VARS1: variants seen among roughly 807,000 people sequenced by gnomAD.
VARS1 encodes the protein valyl-tRNA synthetase 1, also known as valine--tRNA ligase.
VARS1 carries 92 observed loss-of-function variants against 161.0 expected under a neutral mutation model. The ratio of observed to expected loss-of-function variants is 0.57; its 90% CI spans 0.48 to 0.68. The LOEUF is 0.68. VARS1 is among the 30% of genes least tolerant of loss of function. VARS1 has a pLI of 0.00. For synonymous variants in VARS1, 595 were observed against 682.5 expected, an observed-to-expected ratio of 0.87 and a Z score of 2.00; for missense variants, 1,338 against 1,695.9, an observed-to-expected ratio of 0.79 and a Z score of 3.71.
intron 8 of VARS1, among the ~76,000 whole-genome samples, chr6:31,787,774 C>T (rs1001580192): frequency 2.6e-5 from 4 of 151,234 alleles, no homozygotes; most frequent in African/African-American, 4.9e-5. Flanking sequence ...CCCAGAAGTT[C>T]AAGACCAGCC....
At chr6:31,794,358 C>T (rs141046824) in intron 2 of VARS1, among the ~76,000 whole-genome samples, 158 of 152,256 alleles carry the variant, frequency 1.0e-3, no homozygotes, top group Admixed American at 7.5e-3. Flanking sequence ...GCACAGGTCT[C>T]CTTTGGAAGG....
In VARS1 at chr6:31,792,753, T is replaced by C. The variant is rs1813967794; in HGVS notation, c.661+4A>G. On this transcript the variant is annotated splice_donor_region_variant and intron_variant, in intron 4 of 29. Coordinates refer to ENST00000375663, the MANE Select transcript of VARS1 (RefSeq NM_006295.3). ...CTATCCTCCAACTCCTCGCCCTTCC[T>C]CACCTGGCTGATGAGAGAGAGGCCT... 1.2e-6 allele frequency: 2 copies of C among 1,614,106 alleles called. No individual in the cohort carries two copies. Among genetic ancestry groups the C allele is most frequent in the Non-Finnish European group, 8.5e-7 (1 of 1,179,990 alleles).
chr6:31,792,256 T>C lies in VARS1; in HGVS notation c.832A>G (p.Ile278Val). 1 of 1,614,014 alleles carries C rather than the reference T, an allele frequency of 6.2e-7. No homozygotes were observed. Among genetic ancestry groups the C allele is most frequent in the Non-Finnish European group, 8.5e-7 (1 of 1,180,002 alleles). ...EKREKRDPGV[I>V]TYDLPTPPGE... ...GGTGGGGTTGGGAGGTCATAGGTAA[T>C]GACCCCAGGATCCCGTTTCTCCCTC... The change falls in exon 6 of 30, where the codon ATT becomes GTT. Residue 278 changes from isoleucine (I) to valine (V), a missense_variant. By Grantham distance (29) the Ile-to-Val change is conservative (BLOSUM62 3). This residue lies in a region of VARS1 where 902 missense variants were observed against 1,090.3 expected (regional missense o/e 0.83). Transcript: ENST00000375663.
rs1813959780 is a variant in VARS1 at position 31,792,675 on chromosome 6, C to A, written c.661+82G>T. 4 of 1,598,408 alleles carry A rather than the reference C, an allele frequency of 2.5e-6. No homozygotes were observed. The South Asian group carries it at 4.4e-5, about 18-fold the overall frequency. ...GCAGGACCCTGCCCCAGTGATTCTG[C>A]CATTTCTAGGAAAAAAAGAAAGTGA... On this transcript the variant is annotated intron_variant, in intron 4 of 29. Coordinates refer to ENST00000375663, the MANE Select transcript of VARS1 (RefSeq NM_006295.3).
rs1252547500 is a variant in VARS1, at chr6:31,792,311, A to G, written c.787-10T>C. 1.9e-6 allele frequency: 3 copies of G among 1,613,434 alleles called. No individual in the cohort carries two copies. Among genetic ancestry groups the G allele is most frequent in the Non-Finnish European group, 2.5e-6 (3 of 1,179,900 alleles). The stretch of plus-strand genomic sequence containing the variant: ...CTGGTTTTGGTTTCTTCTGCTTGGG[A>G]GGGAGAAGACATAGGCCCAGGCATC... On this transcript the variant is annotated splice_polypyrimidine_tract_variant and intron_variant, in intron 5 of 29. Transcript: ENST00000375663.
In VARS1 at chr6:31,781,309, G is replaced by A; in HGVS notation, c.2544+172C>T. 1 of 1,231,754 alleles carries A rather than the reference G, an allele frequency of 8.1e-7. No individual in the cohort carries two copies. The highest frequency in any genetic ancestry group is 2.2e-5 in the Admixed American group (1 of 44,698). 76.3% of individuals were successfully genotyped at this position (1,231,754 alleles called of 1,614,324 possible). On this transcript the variant is annotated intron_variant, in intron 21 of 29. Coordinates refer to ENST00000375663, the MANE Select transcript of VARS1 (RefSeq NM_006295.3). The surrounding 1 kb of genome is among the most constrained non-coding windows in gnomAD (Gnocchi z 6.8). ...CTTCCTCTGGGAAGATGAAGCCCTGGGCACAGGAATCACTGAGCAGGGCCC... is the reference window on the plus strand; with the variant it reads ...CTTCCTCTGGGAAGATGAAGCCCTGAGCACAGGAATCACTGAGCAGGGCCC...
Position 31,793,149 on chromosome 6 carries a change from A to G in VARS1, c.388-29T>C, listed in dbSNP as rs373826923. The G allele has an allele frequency of 9.9e-5, 156 of 1,569,910 alleles. No homozygotes were observed. The African/African-American group carries it at 1.6e-3, about 16-fold the overall frequency. ...GCAGGAAGGGGAAGAAGTGTGAGAC[A>G]AGGTTTGGCCCACCTCCATCTCCCA... On this transcript the variant is annotated intron_variant, in intron 2 of 29. Coordinates refer to ENST00000375663, the MANE Select transcript of VARS1 (RefSeq NM_006295.3).
Position 31,785,683 on chromosome 6 carries a change from G to T in VARS1, c.1151C>A (p.Ala384Glu). 1.9e-6 allele frequency: 3 copies of T among 1,612,924 alleles called. No homozygotes were observed. Among genetic ancestry groups the T allele is most frequent in the Non-Finnish European group, 2.5e-6 (3 of 1,180,028 alleles). ...TTLWNPGCDH[A>E]GIATQVVVEK... ...CACCACCACCTGGGTGGCAATACCT[G>T]CATGGTCACAGCCAGGGTTCCACAG... The change falls in exon 9 of 30, where the codon GCA becomes GAA. Residue 384 changes from alanine to glutamate, a missense_variant. By Grantham distance (107) the Ala-to-Glu change is moderately radical (BLOSUM62 -1). This residue lies in a region of VARS1 where 902 missense variants were observed against 1,090.3 expected (regional missense o/e 0.83). Coordinates refer to ENST00000375663, the MANE Select transcript of VARS1 (RefSeq NM_006295.3). This position sits in a 1 kb window ranked among gnomAD's most constrained non-coding sequence, Gnocchi z 6.1.
chr6:31,780,646 G>A lies in VARS1; in HGVS notation c.2797+59C>T. The A allele has an allele frequency of 1.2e-6, 2 of 1,613,098 alleles. No homozygotes were observed. Among genetic ancestry groups the A allele is most frequent in the Non-Finnish European group, 1.7e-6 (2 of 1,179,232 alleles). On this transcript the variant is annotated intron_variant, in intron 24 of 29. Coordinates refer to ENST00000375663, the MANE Select transcript of VARS1 (RefSeq NM_006295.3). This position sits in a 1 kb window ranked among gnomAD's most constrained non-coding sequence, Gnocchi z 5.1. The stretch of plus-strand genomic sequence containing the variant: ...CACCAGAGGCTCAGGGTGGAGAAGA[G>A]GGATGGGCCTCACAGAAGGAGGAAG...
chr6:31,780,865 C>T lies in VARS1; in HGVS notation c.2718+5G>A, dbSNP rs1195809107. On this transcript the variant is annotated splice_donor_5th_base_variant and intron_variant, in intron 23 of 29. Transcript: ENST00000375663. This position sits in a 1 kb window ranked among gnomAD's most constrained non-coding sequence, Gnocchi z 5.1. ...TCCTGCTTAGCCCAGCCCAACCCTC[C>T]ATACCTGCCCTTCTTTGGCCTTCTC... 4 of 1,614,102 alleles carry T rather than the reference C, an allele frequency of 2.5e-6. No individual in the cohort carries two copies. Among genetic ancestry groups the T allele is most frequent in the Non-Finnish European group, 3.4e-6 (4 of 1,180,046 alleles).
Position 31,779,754 on chromosome 6 carries a change from T to C in VARS1, c.3142A>G (p.Thr1048Ala), listed in dbSNP as rs1813008575. Residue 1048 changes from threonine to alanine, a missense_variant, in exon 27 of 30, where the codon ACC (threonine) becomes GCC (alanine). Around this residue, in one of 3 missense-constraint regions of VARS1, gnomAD observed 433 missense variants for 586.2 expected, o/e 0.74. Coordinates refer to ENST00000375663, the MANE Select transcript of VARS1 (RefSeq NM_006295.3). The surrounding 1 kb of genome is among the most constrained non-coding windows in gnomAD (Gnocchi z 9.1). ...DQVAAECARQ[T>A]LYTCLDVGLR... ...CCAACGTCCAGGCAAGTGTACAGGGTCTGGCGGGCACACTCAGCTGCCACC... is the reference window on the plus strand; with the variant it reads ...CCAACGTCCAGGCAAGTGTACAGGGCCTGGCGGGCACACTCAGCTGCCACC... The C allele has an allele frequency of 2.5e-6, 4 of 1,612,788 alleles. No individual in the cohort carries two copies. The highest frequency in any genetic ancestry group is 3.4e-6 in the Non-Finnish European group (4 of 1,179,994).
In VARS1 at chr6:31,785,317, G is replaced by C. The variant is rs755197138; in HGVS notation, c.1276C>G (p.Arg426Gly). The C allele has an allele frequency of 6.2e-7, 1 of 1,613,016 alleles. No homozygotes were observed. Among genetic ancestry groups the C allele is most frequent in the East Asian group, 2.2e-5 (1 of 44,880 alleles). The change falls in exon 10 of 30, where the codon CGG becomes GGG. Residue 426 changes from arginine (R) to glycine (G), a missense_variant. Arg to Gly is a moderately radical substitution (Grantham distance 125, BLOSUM62 -2). Around this residue, in one of 3 missense-constraint regions of VARS1, gnomAD observed 902 missense variants for 1,090.3 expected, o/e 0.83. Coordinates refer to ENST00000375663, the MANE Select transcript of VARS1 (RefSeq NM_006295.3). The surrounding 1 kb of genome is among the most constrained non-coding windows in gnomAD (Gnocchi z 6.1). ...AGCTTCTTCAACTGGTGGTAAATCC[G>C]GTCACCTTTCCTGGAAGCAGACAGG... ...VWKWKEEKGD[R>G]IYHQLKKLGS...
chr6:31,781,486 T>C lies in VARS1; in HGVS notation c.2539A>G (p.Arg847Gly). 7 of 1,612,408 alleles carry C rather than the reference T, an allele frequency of 4.3e-6. No individual in the cohort carries two copies. Among genetic ancestry groups the C allele is most frequent in the Non-Finnish European group, 5.9e-6 (7 of 1,179,874 alleles). ...GGTCTCGGCTGTCTCCGCACCTCTC[T>C]AAAGGGCAGCCTGCCCGTGAGCTTC... is the stretch of plus-strand genomic sequence containing the variant. Reference protein sequence around the residue: ...GLKLTGRLPFREVYLHAIVRD... With the variant: ...GLKLTGRLPFGEVYLHAIVRD... The change falls in exon 21 of 30, where the codon AGA becomes GGA. Residue 847 changes from arginine to glycine, a missense_variant. This residue lies in a region of VARS1 where 433 missense variants were observed against 586.2 expected (regional missense o/e 0.74). Transcript: ENST00000375663. The surrounding 1 kb of genome is among the most constrained non-coding windows in gnomAD (Gnocchi z 6.8).
chr6:31,793,599 A>C (rs1371381085), intron 2 of VARS1, among the ~76,000 whole-genome samples: 1 of 152,252 alleles, frequency 6.6e-6, no homozygotes, highest in Non-Finnish European at 1.5e-5. Flanking sequence ...AGAAGTAAAG[A>C]TTATATGAGG....
rs941024028 is a variant in VARS1 at position 31,778,709 on chromosome 6, A to T, written c.3726+258T>A. The T allele has an allele frequency of 5.3e-6, 3 of 561,992 alleles. No homozygotes were observed. The highest frequency in any genetic ancestry group is 9.4e-6 in the Non-Finnish European group (3 of 319,156). 34.8% of individuals were successfully genotyped at this position (561,992 alleles called of 1,614,324 possible). A position where few individuals can be genotyped will look rare whatever the true frequency, so the allele number is the denominator to read the frequency against. On this transcript the variant is annotated intron_variant, in intron 29 of 29. Coordinates refer to ENST00000375663, the MANE Select transcript of VARS1 (RefSeq NM_006295.3). This position sits in a 1 kb window ranked among gnomAD's most constrained non-coding sequence, Gnocchi z 5.1. ...ATTTTTGTTGTAGAGATGGGATTTC[A>T]CCATGTTGGCTGGTCTCAAACCCCT...
chr6:31,794,788 C>A lies in VARS1; in HGVS notation c.387+43G>T, dbSNP rs1038904200. 2.0e-6 allele frequency: 3 copies of A among 1,509,224 alleles called. No individual in the cohort carries two copies. The African/African-American group carries it at 4.2e-5, about 21-fold the overall frequency. The allele number at this position is 1,509,224 out of a possible 1,614,324, so 93.5% of individuals were successfully genotyped here. On this transcript the variant is annotated intron_variant, in intron 2 of 29. Transcript: ENST00000375663. ...GTCCATTCCAGTCCTCGCTTCCCTCCTCTGAATTTCTCCCCTCCCCCTCTT... is the reference window on the plus strand; with the variant it reads ...GTCCATTCCAGTCCTCGCTTCCCTCATCTGAATTTCTCCCCTCCCCCTCTT...
chr6:31,784,548 G>A lies in VARS1; in HGVS notation c.1468-46C>T, dbSNP rs770015049. The A allele has an allele frequency of 8.7e-6, 14 of 1,613,486 alleles. No individual in the cohort carries two copies. The highest frequency in any genetic ancestry group is 3.3e-5 in the Admixed American group (2 of 60,008). ...GGCGTGGCCCAGGGGCCAGGGCCAG[G>A]GCCAGGGTAGATTGGAGATGGAGAC... On this transcript the variant is annotated intron_variant, in intron 11 of 29. Transcript: ENST00000375663. This position sits in a 1 kb window ranked among gnomAD's most constrained non-coding sequence, Gnocchi z 6.1.
Position 31,778,767 on chromosome 6 carries a change from A to G in VARS1, c.3726+200T>C, listed in dbSNP as rs1300087576. 8.0e-5 allele frequency: 58 copies of G among 727,710 alleles called. No individual in the cohort carries two copies. The South Asian group carries it at 1.1e-3, about 14-fold the overall frequency. 45.1% of individuals were successfully genotyped at this position (727,710 alleles called of 1,614,324 possible). A position where few individuals can be genotyped will look rare whatever the true frequency, so the allele number is the denominator to read the frequency against. On this transcript the variant is annotated intron_variant, in intron 29 of 29. Coordinates refer to ENST00000375663, the MANE Select transcript of VARS1 (RefSeq NM_006295.3). The surrounding 1 kb of genome is among the most constrained non-coding windows in gnomAD (Gnocchi z 5.1). Reference sequence around the variant, plus strand: ...AGTGATCCACCCACCTTGGCCTCCCAAATTTCTGGGATTACAGGTGTGAGC... The same window carrying G: ...AGTGATCCACCCACCTTGGCCTCCCGAATTTCTGGGATTACAGGTGTGAGC...
rs1251137818 is a variant in VARS1, at chr6:31,792,066, C to T, written c.872-95G>A. On this transcript the variant is annotated intron_variant, in intron 6 of 29. Coordinates refer to ENST00000375663, the MANE Select transcript of VARS1 (RefSeq NM_006295.3). The stretch of plus-strand genomic sequence containing the variant: ...GAGGGATCGGGATCTCCGTCACTCA[C>T]ATCATAGGACAGGCATTTGAGGGGC... 4.8e-6 allele frequency: 7 copies of T among 1,456,090 alleles called. No individual in the cohort carries two copies. In the Admixed American group the frequency reaches 8.9e-5, roughly 18 times the overall value. 90.2% of individuals were successfully genotyped at this position (1,456,090 alleles called of 1,614,324 possible).
Sources: gnomAD v4.1 joint callset for allele counts (sites outside exome capture counted in the v4.1 genomes callset) on GRCh38, gnomAD v4.1.1 for gene constraint, gnomAD v4.1.1 regional missense constraint, Gnocchi (gnomAD v3.1) non-coding constraint, MANE v1.5 for transcripts, NCBI Gene and HGNC (gene_info 2026-07-23, HGNC 2026-07-21) for gene names.